SRP68: variants seen among roughly 807,000 people sequenced by gnomAD.
The protein encoded by SRP68 is signal recognition particle subunit SRP68.
Under a neutral mutation model 82.2 loss-of-function variants are expected in SRP68, and 15 were observed. The observed-to-expected ratio is 0.18, with a 90% CI of 0.12 to 0.28. SRP68 has a LOEUF of 0.28. Ranked by LOEUF, SRP68 falls within the 10% of genes least tolerant of loss-of-function variation. SRP68 has a pLI of 1.00. For missense variants in SRP68, 595 were observed against 780.5 expected (o/e 0.76, Z 2.83); for synonymous variants, 261 against 292.6 (o/e 0.89, Z 1.10).
At chr17:76,042,091 G>C (rs905129956) in intron 13 of SRP68, among the ~76,000 whole-genome samples, 2 of 151,742 alleles carry the variant, frequency 1.3e-5, no homozygotes, top group Non-Finnish European at 2.9e-5. Flanking sequence ...TCACTATGTT[G>C]GCCAGGATGG....
At position 76,067,217 on chromosome 17, in the gene SRP68, C is replaced by T; in HGVS notation, c.365G>A (p.Arg122Lys). ...KVTEELLTDN[R>K]YLLLVLMDAE... Reference sequence around the variant, plus strand: ...GCAACTAGCATGGAGCAGTCAATACCTATTATCGGTCAGAAGCTCTTCAGT... The same window carrying T: ...GCAACTAGCATGGAGCAGTCAATACTTATTATCGGTCAGAAGCTCTTCAGT... The change falls in exon 3 of 16, where the codon AGA becomes AAA. Residue 122 changes from arginine to lysine, a missense_variant and splice_region_variant. Physicochemically the swap from Arg to Lys is conservative, Grantham distance 26 (BLOSUM62 2). Coordinates refer to ENST00000307877, the MANE Select transcript of SRP68 (RefSeq NM_014230.4). The T allele has an allele frequency of 6.2e-7, 1 of 1,609,408 alleles. No individual in the cohort carries two copies.
chr17:76,072,233 C>G lies in SRP68; in HGVS notation c.184+75G>C, dbSNP rs920277138. 9.4e-6 allele frequency: 15 copies of G among 1,598,072 alleles called. No individual in the cohort carries two copies. Among genetic ancestry groups the G allele is most frequent in the Non-Finnish European group, 1.2e-5 (14 of 1,175,920 alleles). On this transcript the variant is annotated intron_variant, in intron 1 of 15. Coordinates refer to ENST00000307877, the MANE Select transcript of SRP68 (RefSeq NM_014230.4). This position sits in a 1 kb window ranked among gnomAD's most constrained non-coding sequence, Gnocchi z 4.5. ...TCTCCTGCCAGGACTTGTCGGGACC[C>G]GCCGCCTCTCCCGCCCCCAGCCCTC...
intron 8 of SRP68, among the ~76,000 whole-genome samples, chr17:76,052,333 C>G (rs1440960085): frequency 1.3e-5 from 2 of 152,148 alleles, no homozygotes; most frequent in Non-Finnish European, 2.9e-5. Flanking sequence ...CCTTACTGGC[C>G]TAATTTTTCA....
At chr17:76,062,816 G>A (rs369690966) in intron 4 of SRP68, among the ~76,000 whole-genome samples, 1 of 124,198 alleles carries the variant, frequency 8.1e-6, no homozygotes, top group East Asian at 2.2e-4. Context: ...TGTCCCCCAG[G>A]CTGGAGCGCA....
At position 76,064,006 on chromosome 17, in the gene SRP68, G is replaced by C. The variant is rs746817357; in HGVS notation, c.531C>G (p.Arg177=). The C allele has an allele frequency of 6.2e-7, 1 of 1,613,942 alleles. No homozygotes were observed. Among genetic ancestry groups the C allele is most frequent in the South Asian group, 1.1e-5 (1 of 91,066 alleles). The change falls in exon 4 of 16, where the codon CGC becomes CGG. Residue 177 remains arginine, a synonymous_variant. Coordinates refer to ENST00000307877, the MANE Select transcript of SRP68 (RefSeq NM_014230.4). ...CCTCTAATTTGGTCTTGGCATCCAC[G>C]CGATTGCTCTCACACAAGCGTTCCA... ...EELERLCESN[R]VDAKTKLEAQ...
intron 8 of SRP68, among the ~76,000 whole-genome samples, chr17:76,051,315 T>G (rs535904471): frequency 6.6e-6 from 1 of 152,324 alleles, no homozygotes; most frequent in Admixed American, 6.5e-5. Context: ...CCAAAGAATC[T>G]GACCGAGCAG....
chr17:76,061,374 T>G (rs754326312), intron 5 of SRP68, 118 bp downstream of exon 5: 18 of 1,019,138 alleles, frequency 1.8e-5, no homozygotes, highest in Non-Finnish European at 2.5e-5. Flanking sequence ...CATCAACATT[T>G]CTATAGGAAA....
intron 3 of SRP68, among the ~76,000 whole-genome samples, chr17:76,066,808 A>G (rs1305001915): frequency 6.6e-6 from 1 of 151,306 alleles, no homozygotes; most frequent in Non-Finnish European, 1.5e-5. Context: ...GCTCACTGCA[A>G]CCTCTGCCTC....
intron 13 of SRP68, among the ~76,000 whole-genome samples, chr17:76,042,150 C>T (rs2066595978): frequency 6.6e-6 from 1 of 152,036 alleles, no homozygotes; most frequent in Non-Finnish European, 1.5e-5. Context: ...TCCCACAGTG[C>T]TGGGATTACA....
At chr17:76,056,010 ACCATGATGC>A (rs2066711816) in intron 8 of SRP68, among the ~76,000 whole-genome samples, 1 of 151,734 alleles carries the variant, frequency 6.6e-6, no homozygotes, top group South Asian at 2.1e-4. Flanking sequence ...ATGGGGTTTC[ACCATGATGC>A]CCAGGCTGGT....
At chr17:76,064,526 C>G (rs995650182) in intron 3 of SRP68, among the ~76,000 whole-genome samples, 1 of 152,068 alleles carries the variant, frequency 6.6e-6, no homozygotes, top group Admixed American at 6.6e-5. Context: ...TCATCTCAAT[C>G]CAGTTAGAAA....
intron 10 of SRP68, among the ~76,000 whole-genome samples, chr17:76,046,739 A>C (rs948561721): frequency 2.0e-5 from 3 of 152,186 alleles, no homozygotes; most frequent in Non-Finnish European, 1.5e-5. Context: ...CAGGAGATTG[A>C]GACCATCCTG....
Position 76,067,280 on chromosome 17 carries a change from T to C in SRP68, c.302A>G (p.Lys101Arg), listed in dbSNP as rs1188756816. The change falls in exon 3 of 16, where the codon AAG becomes AGG. Residue 101 changes from lysine to arginine, a missense_variant. Lys to Arg is a conservative substitution (Grantham distance 26). Transcript: ENST00000307877. Reference protein sequence around the residue: ...QRRLRKTLNFKMGNRHKFTGK... With the variant: ...QRRLRKTLNFRMGNRHKFTGK... Reference sequence around the variant, plus strand: ...TGTGAATTTGTGTCTGTTACCCATCTTGAAGTTGAGTGTTTTTCGAAGACG... The same window carrying C: ...TGTGAATTTGTGTCTGTTACCCATCCTGAAGTTGAGTGTTTTTCGAAGACG... 5.6e-6 allele frequency: 9 copies of C among 1,613,482 alleles called. No homozygotes were observed. The highest frequency in any genetic ancestry group is 3.3e-5 in the Admixed American group (2 of 59,830).
intron 13 of SRP68, 116 bp downstream of exon 13, chr17:76,043,713 G>T: frequency 1.7e-6 from 2 of 1,167,530 alleles, no homozygotes; most frequent in Non-Finnish European, 1.2e-6. Context: ...AGGTCCCACG[G>T]GCAGCCAGGG....
At chr17:76,065,437 CAA>C (rs11338515) in intron 3 of SRP68, among the ~76,000 whole-genome samples, 1,826 of 78,968 alleles carry the variant, frequency 0.023, 22 homozygotes, top group African/African-American at 0.048. Context: ...GACCCTGTCT[CAA>C]AAAAAAAAAA....
chr17:76,047,909 T>C lies in SRP68; in HGVS notation c.1139A>G (p.His380Arg), dbSNP rs1395659288. Residue 380 changes from histidine to arginine, a missense_variant, in exon 10 of 16, where the codon CAT (histidine) becomes CGT (arginine). By Grantham distance (29) the His-to-Arg change is conservative. This residue lies in a region of SRP68 where 495 missense variants were observed against 688.6 expected (regional missense o/e 0.72). Coordinates refer to ENST00000307877, the MANE Select transcript of SRP68 (RefSeq NM_014230.4). ...AAAAAATTAAAATAACCCTTACCTA[T>C]GCAAGTATTGAAGATTAGACACCTT... Reference protein sequence around the residue: ...PGKVSNLQYLHSYLTYIKLST... With the variant: ...PGKVSNLQYLRSYLTYIKLST... 6 of 1,535,652 alleles carry C rather than the reference T, an allele frequency of 3.9e-6. No homozygotes were observed. The highest frequency in any genetic ancestry group is 2.3e-5 in the East Asian group (1 of 43,120).
At chr17:76,068,232 C>T (rs1244189019) in intron 2 of SRP68, among the ~76,000 whole-genome samples, 3 of 151,512 alleles carry the variant, frequency 2.0e-5, no homozygotes, top group Non-Finnish European at 2.9e-5. Context: ...GTGGGGGTTG[C>T]GTTGAGCCAA....
At chr17:76,056,021 C>T (rs1053937834) in intron 8 of SRP68, among the ~76,000 whole-genome samples, 8 of 151,920 alleles carry the variant, frequency 5.3e-5, no homozygotes, top group African/African-American at 1.9e-4. Flanking sequence ...CCATGATGCC[C>T]AGGCTGGTCT....
At chr17:76,052,308 G>A (rs2066678887) in intron 8 of SRP68, among the ~76,000 whole-genome samples, 1 of 152,204 alleles carries the variant, frequency 6.6e-6, no homozygotes, top group Admixed American at 6.5e-5. Context: ...AGATTCTTTA[G>A]AATCACTTCG....
Sources: allele counts gnomAD v4.1 joint callset (sites outside exome capture counted in the v4.1 genomes callset), GRCh38; gene constraint gnomAD v4.1.1; regional missense constraint gnomAD v4.1.1; non-coding constraint Gnocchi (gnomAD v3.1); transcripts MANE v1.5; gene names NCBI Gene and HGNC (gene_info 2026-07-23, HGNC 2026-07-21).